The following KEL variants were observed in gnomAD, a reference collection of about 807,000 sequenced individuals.
KEL encodes kell blood group glycoprotein.
KEL carries 96 observed loss-of-function variants against 99.5 expected under a neutral mutation model. The ratio of observed to expected loss-of-function variants is 0.97; its 90% CI spans 0.82 to 1.14. KEL has a LOEUF of 1.14. KEL is among the 50% of genes most tolerant of loss of function. The pLI, the probability that KEL is intolerant of heterozygous loss-of-function variation, is 0.00. For missense variants in KEL, 926 were observed against 924.2 expected (o/e 1.00, Z -0.03); for synonymous variants, 355 against 354.8 (o/e 1.00, Z -0.01).
In KEL at chr7:142,961,441, C is replaced by G. The variant is rs1279343626; in HGVS notation, c.142G>C (p.Val48Leu). Reference sequence around the variant, plus strand: ...CCCAAAATCAGGATAGCTGTCAGCACCCGCCTGGCCACTGCCCATGGCCTG... The same window carrying G: ...CCCAAAATCAGGATAGCTGTCAGCAGCCGCCTGGCCACTGCCCATGGCCTG... ...GSRPWAVARR[V>L]LTAILILGLL... Residue 48 changes from valine (V) to leucine (L), a missense_variant, in exon 3 of 19, where the codon GTG becomes CTG. Transcript: ENST00000355265. 3.1e-6 allele frequency: 5 copies of G among 1,612,958 alleles called. No homozygotes were observed. In the South Asian group the frequency reaches 5.5e-5, roughly 18 times the overall value.
chr7:142,960,412 G>A (rs1382509055), intron 4 of KEL, among the ~76,000 whole-genome samples: 1 of 152,146 alleles, frequency 6.6e-6, no homozygotes, highest in Non-Finnish European at 1.5e-5. Flanking sequence ...AGAGGGAGAG[G>A]GTAATGTTGA....
At chr7:142,951,979 G>T (rs1796697735) in intron 10 of KEL, among the ~76,000 whole-genome samples, 1 of 152,052 alleles carries the variant, frequency 6.6e-6, no homozygotes, top group Non-Finnish European at 1.5e-5. Flanking sequence ...GGTTAGTGAA[G>T]TGCATTTTCT....
chr7:142,957,925 G>A lies in KEL; in HGVS notation c.574C>T (p.Arg192Ter), dbSNP rs200430183. 29 of 1,613,914 alleles carry A rather than the reference G, an allele frequency of 1.8e-5. No homozygotes were observed. The highest frequency in any genetic ancestry group is 4.5e-5 in the East Asian group (2 of 44,880). The change falls in exon 6 of 19, where the codon CGA becomes TGA. Residue 192 changes from arginine to a stop codon, truncating the protein, a stop_gained. Transcript: ENST00000355265. LOFTEE classifies it high-confidence loss of function. ...TGACTCATCAGAAGTCTCAGCGTTC[G>A]GTTAAAGTTTAAGGAAGTCCATTTA... is the stretch of plus-strand genomic sequence containing the variant. ...SGKWTSLNFN[R>*]TLRLLMSQYG...
Position 142,946,310 on chromosome 7 carries a change from C to G in KEL, c.1211G>C (p.Arg404Pro), listed in dbSNP as rs199509304. Residue 404 changes from arginine to proline, a missense_variant, in exon 11 of 19, where the codon CGC becomes CCC. Transcript: ENST00000355265. ...ELTEQPPMPA[R>P]PRWMKCVEET... ...CTCCACGCACTTCATCCATCGTGGG[C>G]GGGCAGGCTATGGAGACAAAGCTGG... 4 of 1,612,696 alleles carry G rather than the reference C, an allele frequency of 2.5e-6. No individual in the cohort carries two copies. In the South Asian group the frequency reaches 4.4e-5, roughly 18 times the overall value.
chr7:142,962,342 T>G lies in KEL; in HGVS notation c.-136A>C. ...GGGGCACTTCTGCTGCTCTTTCGCC[T>G]TGTCCCCAGACACACAGGACTGGCC... is the stretch of plus-strand genomic sequence containing the variant. On this transcript the variant is annotated 5_prime_UTR_variant, in exon 1 of 19. Transcript: ENST00000355265. 1 of 1,010,612 alleles carries G rather than the reference T, an allele frequency of 9.9e-7. No individual in the cohort carries two copies. The highest frequency in any genetic ancestry group is 1.8e-5 in the Admixed American group (1 of 55,756). The allele number at this position is 1,010,612 out of a possible 1,614,324, so 62.6% of individuals were successfully genotyped here.
chr7:142,944,242 T>G (rs1796451362), intron 13 of KEL, 81 bp downstream of exon 13: 4 of 1,169,690 alleles, frequency 3.4e-6, no homozygotes, highest in Non-Finnish European at 3.9e-6. Flanking sequence ...GAAAACTGAT[T>G]GTCCAACAAA....
At chr7:142,959,051 T>C (rs574436997) in intron 4 of KEL, among the ~76,000 whole-genome samples, 4 of 152,322 alleles carry the variant, frequency 2.6e-5, no homozygotes, top group Admixed American at 2.6e-4. Context: ...CTCTAAAATG[T>C]ATAAAACCAA....
chr7:142,958,122 G>T, intron 5 of KEL, 149 bp from the exon 6 acceptor site: 1 of 1,300,306 alleles, frequency 7.7e-7, no homozygotes, highest in Non-Finnish European at 1.1e-6. Flanking sequence ...TTTTTTATCT[G>T]CCTTCTCCCA....
intron 11 of KEL, 167 bp downstream of exon 11, chr7:142,946,040 C>T: frequency 1.6e-6 from 1 of 628,594 alleles, no homozygotes; most frequent in Non-Finnish European, 2.9e-6. Flanking sequence ...TGTTTCCACA[C>T]CAGGGATGGA....
At position 142,943,062 on chromosome 7, in the gene KEL, AGAG is replaced by A. The variant is rs1474629785; in HGVS notation, c.1772-21_1772-19del. The A allele has an allele frequency of 1.9e-6, 3 of 1,613,518 alleles. No homozygotes were observed. In the East Asian group the frequency reaches 6.7e-5, roughly 36 times the overall value. On this transcript the variant is annotated intron_variant, in intron 16 of 18. Transcript: ENST00000355265. ...AGGCAGTACTGTTGAAAATGGGACA[AGAG>A]AACATACAGCAAGAGAACATAGGGT... is the stretch of plus-strand genomic sequence containing the variant.
chr7:142,952,775 G>T, intron 9 of KEL, 137 bp from the exon 10 acceptor site: 1 of 1,001,414 alleles, frequency 1.0e-6, no homozygotes, highest in Non-Finnish European at 1.5e-6. Context: ...GTTTTAACAT[G>T]CACCCAAGTC....
chr7:142,946,535 T>A (rs1796535085), intron 10 of KEL: 1 of 599,524 alleles, frequency 1.7e-6, no homozygotes, highest in Non-Finnish European at 3.0e-6. Context: ...GCTGAGTAAA[T>A]CCTTCATGTT....
At chr7:142,962,016 G>A in intron 1 of KEL, 144 bp from the exon 2 acceptor site, 1 of 1,609,996 alleles carries the variant, frequency 6.2e-7, no homozygotes. Context: ...AGTGTTCCCA[G>A]ATGGGCTTCA....
chr7:142,946,983 G>T (rs1436709919), intron 10 of KEL, among the ~76,000 whole-genome samples: 11 of 152,206 alleles, frequency 7.2e-5, no homozygotes, highest in Non-Finnish European at 1.6e-4. Context: ...GGCTTTCACT[G>T]CAGAGGCAGG....
At chr7:142,941,477 G>A in intron 18 of KEL, 64 bp from the exon 19 acceptor site, 1 of 1,455,436 alleles carries the variant, frequency 6.9e-7, no homozygotes, top group African/African-American at 1.4e-5. Flanking sequence ...CCGGTGACAA[G>A]GGGTGATCAG....
chr7:142,949,539 C>T (rs1586257778), intron 10 of KEL, among the ~76,000 whole-genome samples: 1 of 152,176 alleles, frequency 6.6e-6, no homozygotes. Flanking sequence ...TCTTCTTTCA[C>T]CAGGATATGT....
chr7:142,946,383 C>T, intron 10 of KEL, 66 bp from the exon 11 acceptor site: 6 of 1,244,462 alleles, frequency 4.8e-6, no homozygotes, highest in Non-Finnish European at 7.0e-6. Context: ...TCTCCCCAGT[C>T]TTCACTAGAT....
intron 4 of KEL, among the ~76,000 whole-genome samples, chr7:142,959,726 A>G (rs1018332647): frequency 5.3e-5 from 8 of 152,078 alleles, no homozygotes; most frequent in African/African-American, 1.9e-4. Flanking sequence ...TCCACCCTCT[A>G]ATATCTAACA....
chr7:142,961,743 C>T, intron 2 of KEL, 52 bp downstream of exon 2: 2 of 1,488,316 alleles, frequency 1.3e-6, no homozygotes, highest in South Asian at 2.3e-5. Flanking sequence ...GATTTTAGAG[C>T]CGAGAGTGAC....
Sources: allele counts gnomAD v4.1 joint callset (sites outside exome capture counted in the v4.1 genomes callset), GRCh38; gene constraint gnomAD v4.1.1; transcripts MANE v1.5; gene names NCBI Gene and HGNC (gene_info 2026-07-23, HGNC 2026-07-21).